The following PJA2 variants were observed in gnomAD, a reference collection of about 807,000 sequenced individuals.
The protein encoded by PJA2 is praja ring finger ubiquitin ligase 2.
Under a neutral mutation model 69.3 loss-of-function variants are expected in PJA2, and 25 were observed. That is an observed-to-expected ratio of 0.36 (90% CI 0.26 to 0.50). The LOEUF (loss-of-function observed/expected upper bound fraction) is 0.50, where lower values mean the gene tolerates loss of function less well. PJA2 is among the 20% of genes least tolerant of loss of function. The probability of loss-of-function intolerance (pLI) is 0.96; values close to 1 mark genes in which losing one functional copy is unlikely to be tolerated. For missense variants in PJA2, 809 were observed against 830.2 expected, an observed-to-expected ratio of 0.97 and a Z score of 0.31; for synonymous variants, 308 against 277.8, an observed-to-expected ratio of 1.11 and a Z score of -1.08.
intron 7 of PJA2, among the ~76,000 whole-genome samples, chr5:109,353,032 A>G (rs1762288728): frequency 7.3e-6 from 1 of 136,420 alleles, no homozygotes; most frequent in East Asian, 2.0e-4. Context: ...AGATATCTAT[A>G]TATTAGATAC....
chr5:109,409,286 G>T (rs560814899), intron 1 of PJA2: 1 of 152,270 alleles, frequency 6.6e-6, no homozygotes, highest in Non-Finnish European at 1.5e-5. Flanking sequence ...GTGTCTGCGT[G>T]CCGAGCCTCA....
Position 109,404,757 on chromosome 5 carries a change from G to A in PJA2, c.-88+5085C>T, listed in dbSNP as rs554237592. ...CTTCATGACCTAATCACCTCCTTGA[G>A]ATCCCCCTCACAATGGGGATTATGT... On this transcript the variant is annotated intron_variant, in intron 1 of 9. Transcript: ENST00000361189. 3.3e-5 allele frequency among the ~76,000 whole-genome samples: 5 copies of A among 152,256 alleles called. No individual in the cohort carries two copies. In the East Asian group the frequency reaches 9.7e-4, roughly 29 times the overall value.
intron 1 of PJA2, among the ~76,000 whole-genome samples, chr5:109,394,909 T>C (rs1055797186): frequency 6.6e-6 from 1 of 152,104 alleles, no homozygotes; most frequent in African/African-American, 2.4e-5. Context: ...TAACTCTGGG[T>C]AGGGGGTGAA....
chr5:109,376,114 T>C (rs1361682253), intron 4 of PJA2, among the ~76,000 whole-genome samples: 1 of 152,194 alleles, frequency 6.6e-6, no homozygotes, highest in East Asian at 1.9e-4. Flanking sequence ...AGCATTTCAA[T>C]GTGTCTTAAA....
chr5:109,392,462 G>T (rs1277699950), intron 1 of PJA2, among the ~76,000 whole-genome samples: 1 of 151,114 alleles, frequency 6.6e-6, no homozygotes, highest in East Asian at 2.0e-4. Flanking sequence ...TCGGGAGGCT[G>T]AGGCAGGAGA....
chr5:109,372,589 A>T (rs1309865880), intron 4 of PJA2, among the ~76,000 whole-genome samples: 3 of 152,164 alleles, frequency 2.0e-5, no homozygotes, highest in Non-Finnish European at 2.9e-5. Flanking sequence ...TGGATGTGGA[A>T]ATCAGGAGGT....
In PJA2 at chr5:109,381,570, G is replaced by A; in HGVS notation, c.165C>T (p.Ser55=). Residue 55 remains serine, a synonymous_variant, in exon 3 of 10, where the codon AGC becomes AGT. Transcript: ENST00000361189. The part of the protein sequence containing the change: ...FKPCMTRHER[S]LGRAGDDYEV... ...CATAGTCATCACCAGCCCGACCTAA[G>A]CTTCTTTCATGTCTGGTCATACATG... 6.2e-7 allele frequency: 1 copy of A among 1,614,004 alleles called. No individual in the cohort carries two copies. The highest frequency in any genetic ancestry group is 1.1e-5 in the South Asian group (1 of 91,076).
chr5:109,361,328 A>C (rs1561349305), intron 6 of PJA2, among the ~76,000 whole-genome samples: 2 of 152,226 alleles, frequency 1.3e-5, no homozygotes, highest in South Asian at 2.1e-4. Context: ...ATGGGGAAGA[A>C]AAAGTTCACT....
intron 7 of PJA2, among the ~76,000 whole-genome samples, chr5:109,354,720 A>T (rs1762382544): frequency 6.8e-6 from 1 of 146,842 alleles, no homozygotes; most frequent in South Asian, 2.1e-4. Context: ...TATATCTAAT[A>T]TATATTATAT....
chr5:109,381,843 C>A, intron 2 of PJA2, 140 bp from the exon 3 acceptor site: 1 of 664,608 alleles, frequency 1.5e-6, no homozygotes, highest in South Asian at 2.1e-5. Flanking sequence ...CTTACTAGTA[C>A]TATAAAACAT....
intron 1 of PJA2, among the ~76,000 whole-genome samples, chr5:109,404,074 AAC>A (rs1747625812): frequency 6.8e-5 from 2 of 29,454 alleles, no homozygotes; most frequent in African/African-American, 1.7e-4. Context: ...CCATCTCAAA[AAC>A]AACAACAACA....
chr5:109,362,689 G>A (rs746777459), intron 6 of PJA2, 151 bp downstream of exon 6: 20 of 732,518 alleles, frequency 2.7e-5, no homozygotes, highest in Non-Finnish European at 3.9e-5. Context: ...GTCCAAGTAG[G>A]AAGGAACATT....
intron 1 of PJA2, among the ~76,000 whole-genome samples, chr5:109,397,753 A>T (rs1224063822): frequency 6.6e-6 from 1 of 151,870 alleles, no homozygotes; most frequent in African/African-American, 2.4e-5. Context: ...TGAACTCCTG[A>T]TCTCAAATGA....
intron 9 of PJA2, among the ~76,000 whole-genome samples, chr5:109,342,563 G>T (rs866470900): frequency 1.1e-5 from 1 of 94,988 alleles, no homozygotes. Context: ...CGCCCCGTCC[G>T]GGAGGTGAGG....
chr5:109,368,853 A>C, intron 4 of PJA2, 107 bp from the exon 5 acceptor site: 2,430 of 1,147,326 alleles, frequency 2.1e-3, no homozygotes, highest in Non-Finnish European at 2.7e-3. Flanking sequence ...ACCAAATCTC[A>C]TGTTGAACTG....
At chr5:109,363,771 A>C (rs1762535772) in intron 5 of PJA2, among the ~76,000 whole-genome samples, 1 of 152,178 alleles carries the variant, frequency 6.6e-6, no homozygotes, top group Admixed American at 6.5e-5. Flanking sequence ...AAACTAACTA[A>C]ACAGGAACAG....
intron 9 of PJA2, 64 bp downstream of exon 9, chr5:109,344,122 ATACT>A: frequency 3.0e-6 from 2 of 658,768 alleles, no homozygotes; most frequent in Non-Finnish European, 2.3e-6. Flanking sequence ...AAAAAAAAAG[ATACT>A]ATTATTCACT....
At position 109,379,116 on chromosome 5, in the gene PJA2, T is replaced by A; in HGVS notation, c.371A>T (p.His124Leu). Reference sequence around the variant, plus strand: ...TAAGGTATCCCTGCCTTCCTCACTGTGATGTACTGCAACAAAGGATTGACT... The same window carrying A: ...TAAGGTATCCCTGCCTTCCTCACTGAGATGTACTGCAACAAAGGATTGACT... ...ESSQSFVAVHHSEEGRDTLGS... is the reference protein window; with the variant it reads ...ESSQSFVAVHLSEEGRDTLGS... Residue 124 changes from histidine to leucine, a missense_variant, in exon 4 of 10, where the codon CAC becomes CTC. Physicochemically the swap from His to Leu is moderately conservative, Grantham distance 99. Around this residue, in one of 4 missense-constraint regions of PJA2, gnomAD observed 700 missense variants for 639.5 expected, o/e 1.09. Transcript: ENST00000361189. The A allele has an allele frequency of 6.2e-7, 1 of 1,614,160 alleles. No homozygotes were observed.
intron 1 of PJA2, chr5:109,390,755 T>A (rs1214940214): frequency 6.6e-6 from 1 of 152,140 alleles, no homozygotes; most frequent in Admixed American, 6.5e-5. Context: ...TCTTAGTGGT[T>A]TTCCTAGAAA....
Sources: gnomAD v4.1 joint callset for allele counts (sites outside exome capture counted in the v4.1 genomes callset) on GRCh38, gnomAD v4.1.1 for gene constraint, gnomAD v4.1.1 regional missense constraint, MANE v1.5 for transcripts, NCBI Gene and HGNC (gene_info 2026-07-23, HGNC 2026-07-21) for gene names.